ARRDC5: variants seen among roughly 807,000 people sequenced by gnomAD.
ARRDC5 encodes the protein arrestin domain-containing protein 5.
In ARRDC5, 12 loss-of-function variants were observed where a neutral mutation model predicts 13.3. The ratio of observed to expected loss-of-function variants is 0.90; its 90% CI spans 0.58 to 1.46. The LOEUF is 1.46. Among genes scored for constraint, ARRDC5 ranks in the 40% most tolerant of loss-of-function variants. The probability of loss-of-function intolerance (pLI) is 0.00; values close to 1 mark genes in which losing one functional copy is unlikely to be tolerated. For missense variants in ARRDC5, 406 were observed against 418.7 expected (o/e 0.97, Z 0.26); for synonymous variants, 181 against 173.4 (o/e 1.04, Z -0.34).
intron 2 of ARRDC5, among the ~76,000 whole-genome samples, chr19:4,892,976 G>A (rs910100736): frequency 4.7e-5 from 7 of 150,212 alleles, no homozygotes; most frequent in African/African-American, 1.5e-4. Flanking sequence ...GGTGGCAGGC[G>A]TCGGCAATCC....
upstream of ARRDC5, among the ~76,000 whole-genome samples, chr19:4,905,314 T>G (rs1455222178): frequency 6.7e-6 from 1 of 150,196 alleles, no homozygotes; most frequent in Admixed American, 6.7e-5. Flanking sequence ...AGAGATGGGG[T>G]TTCACCATGT....
chr19:4,891,468 C>T lies in ARRDC5; in HGVS notation c.565G>A (p.Glu189Lys). ...ATCTCTGTTGTGAAGACGACCTTCT[C>T]TCCTGGCGTGAAGGTGTTCCTTTCC... is the stretch of plus-strand genomic sequence containing the variant. ...QMERNTFTPG[E>K]KVVFTTEINN... The change falls in exon 3 of 3, where the codon GAG becomes AAG. Residue 189 changes from glutamate to lysine, a missense_variant. Physicochemically the swap from Glu to Lys is moderately conservative, Grantham distance 56 (BLOSUM62 1). Transcript: ENST00000650722. The T allele has an allele frequency of 1.2e-6, 2 of 1,613,872 alleles. No homozygotes were observed. The highest frequency in any genetic ancestry group is 8.5e-7 in the Non-Finnish European group (1 of 1,179,904).
At chr19:4,911,212 G>A in the ARRDC5 span, among the ~76,000 whole-genome samples, 1 of 152,160 alleles carries the variant, frequency 6.6e-6, no homozygotes, top group African/African-American at 2.4e-5. Context: ...CGAGAGGAAG[G>A]AACAAAGGGA....
chr19:4,911,168 G>T, the ARRDC5 span: 1 of 854,996 alleles, frequency 1.2e-6, no homozygotes, highest in South Asian at 2.3e-5. Flanking sequence ...CATCTCTCCC[G>T]GAAGGAGAAG....
intron 1 of ARRDC5, among the ~76,000 whole-genome samples, chr19:4,902,013 A>G (rs947768684): frequency 2.0e-5 from 3 of 152,056 alleles, no homozygotes; most frequent in African/African-American, 4.8e-5. Flanking sequence ...CAGCCTCCCA[A>G]GTAGCTGAGA....
the ARRDC5 span, chr19:4,911,125 C>CG: frequency 1.5e-6 from 2 of 1,302,088 alleles, no homozygotes; most frequent in African/African-American, 3.0e-5. Context: ...TCCCTCCCAC[C>CG]TCCCCCCCCA....
upstream of ARRDC5, among the ~76,000 whole-genome samples, chr19:4,904,470 C>T (rs1217443056): frequency 6.6e-6 from 1 of 152,158 alleles, no homozygotes; most frequent in Non-Finnish European, 1.5e-5. Flanking sequence ...TGAGCCACCG[C>T]ACCCAGCCAA....
the ARRDC5 span, among the ~76,000 whole-genome samples, chr19:4,915,538 C>T: frequency 1.3e-5 from 2 of 152,130 alleles, no homozygotes; most frequent in African/African-American, 4.8e-5. Flanking sequence ...CATGGTGAAA[C>T]CCCGTCTCTA....
At chr19:4,900,100 G>C (rs1478106203) in intron 1 of ARRDC5, among the ~76,000 whole-genome samples, 2 of 148,300 alleles carry the variant, frequency 1.3e-5, no homozygotes, top group African/African-American at 4.9e-5. Flanking sequence ...TTACAGGCAT[G>C]AGCCACCGCG....
At chr19:4,900,654 A>G (rs1358324964) in intron 1 of ARRDC5, among the ~76,000 whole-genome samples, 1 of 152,110 alleles carries the variant, frequency 6.6e-6, no homozygotes, top group East Asian at 1.9e-4. Context: ...CCTATCACTC[A>G]GTTCTGTGCT....
rs781557307 is a variant in ARRDC5 at position 4,891,436 on chromosome 19, GTTGTTGA to G, written c.590_596del (p.Ile197ThrfsTer39). 6.2e-7 allele frequency: 1 copy of G among 1,613,522 alleles called. No homozygotes were observed. Among genetic ancestry groups the G allele is most frequent in the Admixed American group, 1.7e-5 (1 of 59,994 alleles). ...CCGTCTTGATGCATTTGCTGGTCTG[GTTGTTGA>G]TCTCTGTTGTGAAGACGACCTTCTC... On this transcript the variant is annotated frameshift_variant, in exon 3 of 3. Transcript: ENST00000650722. LOFTEE classifies it low-confidence loss of function (END_TRUNC).
chr19:4,912,796 T>C, the ARRDC5 span, among the ~76,000 whole-genome samples: 1 of 152,154 alleles, frequency 6.6e-6, no homozygotes, highest in Non-Finnish European at 1.5e-5. Flanking sequence ...AGGATCTCAC[T>C]CTGCCCAGGC....
intron 2 of ARRDC5, among the ~76,000 whole-genome samples, chr19:4,893,505 CA>C (rs74173031): frequency 0.31 from 42,931 of 136,648 alleles, 6,914 homozygotes; most frequent in Middle Eastern, 0.47. Context: ...GACTCTGTCT[CA>C]AAAAAAAAAA....
At chr19:4,912,823 G>T in the ARRDC5 span, among the ~76,000 whole-genome samples, 1 of 152,046 alleles carries the variant, frequency 6.6e-6, no homozygotes, top group African/African-American at 2.4e-5. Context: ...GCAGTGGCAC[G>T]ATCACAGCTC....
upstream of ARRDC5, among the ~76,000 whole-genome samples, chr19:4,907,561 C>A (rs578094057): frequency 2.5e-4 from 38 of 151,866 alleles, no homozygotes; most frequent in East Asian, 3.3e-3. Flanking sequence ...TGAGCCACCA[C>A]GCCCGGCCCA....
chr19:4,906,095 G>T (rs2032059227), upstream of ARRDC5, among the ~76,000 whole-genome samples: 1 of 152,188 alleles, frequency 6.6e-6, no homozygotes, highest in South Asian at 2.1e-4. Context: ...TCCTGCATCA[G>T]TGTCCTGAGT....
At chr19:4,903,992 T>C (rs2032004998), upstream of ARRDC5, among the ~76,000 whole-genome samples, 1 of 151,826 alleles carries the variant, frequency 6.6e-6, no homozygotes, top group Non-Finnish European at 1.5e-5. Context: ...TCTCTTTTTT[T>C]TTGAGGTGGA....
chr19:4,905,955 G>A (rs1332089083), upstream of ARRDC5, among the ~76,000 whole-genome samples: 1 of 152,194 alleles, frequency 6.6e-6, no homozygotes, highest in Non-Finnish European at 1.5e-5. Flanking sequence ...TGTTACTCAT[G>A]TTTTTAAATG....
chr19:4,894,313 C>T (rs1183652065), intron 2 of ARRDC5, among the ~76,000 whole-genome samples: 1 of 150,944 alleles, frequency 6.6e-6, no homozygotes, highest in East Asian at 1.9e-4. Flanking sequence ...AGATCGAGAC[C>T]ATCCCGGCTA....
Sources: allele counts gnomAD v4.1 joint callset (sites outside exome capture counted in the v4.1 genomes callset), GRCh38; gene constraint gnomAD v4.1.1; transcripts MANE v1.5; gene names NCBI Gene and HGNC (gene_info 2026-07-23, HGNC 2026-07-21).